Variants in VAT1L observed in about 807,000 individuals in gnomAD.
VAT1L encodes the protein putative NADPH-dependent quinone oxidoreductase VAT1L.
A neutral mutation model predicts 44.1 loss-of-function variants in VAT1L; 34 were observed. The ratio of observed to expected loss-of-function variants is 0.77; its 90% confidence interval spans 0.59 to 1.03. The LOEUF is 1.03. Among genes scored for constraint, VAT1L ranks in the 50% least tolerant of loss-of-function variants. VAT1L has a pLI of 0.00. For missense variants in VAT1L, 615 were observed against 538.8 expected (o/e 1.14, Z -1.40); for synonymous variants, 253 against 202.2 (o/e 1.25, Z -2.13).
At chr16:77,889,642 A>G (rs73579170) in intron 7 of VAT1L, among the ~76,000 whole-genome samples, 3 of 152,254 alleles carry the variant, frequency 2.0e-5, no homozygotes, top group Admixed American at 6.5e-5. Context: ...TACAGTAGTC[A>G]TAGACAACGT....
chr16:77,803,275 C>T (rs189261233), intron 1 of VAT1L, among the ~76,000 whole-genome samples: 17 of 152,258 alleles, frequency 1.1e-4, no homozygotes, highest in Admixed American at 2.6e-4. Flanking sequence ...TGTTCAATAC[C>T]ACATGTGGCC....
At chr16:77,932,581 C>G (rs1048062450) in intron 7 of VAT1L, among the ~76,000 whole-genome samples, 1 of 152,110 alleles carries the variant, frequency 6.6e-6, no homozygotes, top group Non-Finnish European at 1.5e-5. Flanking sequence ...ATCCTATATC[C>G]CATCAGATTA....
chr16:77,817,769 G>A (rs1296422223), intron 2 of VAT1L, among the ~76,000 whole-genome samples: 2 of 152,094 alleles, frequency 1.3e-5, no homozygotes, highest in Non-Finnish European at 2.9e-5. Flanking sequence ...ATAGAAACCA[G>A]TCTATAAAAA....
In VAT1L at chr16:77,832,069, C is replaced by A. The variant is rs571741210; in HGVS notation, c.579+6608C>A. ...TCTCGAACTCCTGACCTCGGGCAAT[C>A]CACCAACCTCGGCTTCTCAAAGTGC... On this transcript the variant is annotated intron_variant, in intron 3 of 8. Coordinates refer to ENST00000302536, the MANE Select transcript of VAT1L (RefSeq NM_020927.3). Among the ~76,000 whole-genome samples, 41 of 150,174 alleles carry A rather than the reference C, an allele frequency of 2.7e-4. 1 individual carries two copies. The highest frequency in any genetic ancestry group is 1.1e-3 in the South Asian group (5 of 4,740).
chr16:77,885,608 T>C (rs2017201502), intron 7 of VAT1L, among the ~76,000 whole-genome samples: 1 of 152,004 alleles, frequency 6.6e-6, no homozygotes, highest in Non-Finnish European at 1.5e-5. Context: ...ATGACGCCCC[T>C]GAAAAATATT....
intron 1 of VAT1L, among the ~76,000 whole-genome samples, chr16:77,809,481 G>C (rs765801320): frequency 6.6e-6 from 1 of 151,844 alleles, no homozygotes; most frequent in Non-Finnish European, 1.5e-5. Flanking sequence ...CATGGGAACA[G>C]CTGACATTGG....
chr16:77,953,600 G>C (rs1036219764), intron 7 of VAT1L, among the ~76,000 whole-genome samples: 7 of 151,984 alleles, frequency 4.6e-5, no homozygotes, highest in Admixed American at 3.9e-4. Flanking sequence ...GAGCACAGTG[G>C]TGCAATCACA....
At chr16:77,816,897 T>C in intron 1 of VAT1L, 24 bp from the exon 2 acceptor site, 1 of 1,569,932 alleles carries the variant, frequency 6.4e-7, no homozygotes, top group Non-Finnish European at 8.6e-7. Flanking sequence ...TGAATTTCTC[T>C]CCTTTCACAT....
intron 7 of VAT1L, among the ~76,000 whole-genome samples, chr16:77,933,062 A>G (rs924138758): frequency 2.0e-5 from 3 of 152,220 alleles, no homozygotes; most frequent in Non-Finnish European, 4.4e-5. Flanking sequence ...TTTAGGAAAA[A>G]GAGAACCAGA....
intron 2 of VAT1L, among the ~76,000 whole-genome samples, chr16:77,823,756 T>G (rs1723116936): frequency 6.6e-6 from 1 of 152,224 alleles, no homozygotes; most frequent in African/African-American, 2.4e-5. Context: ...CAGTGGCTCA[T>G]GCCTGTAATC....
intron 7 of VAT1L, among the ~76,000 whole-genome samples, chr16:77,944,248 A>G (rs1369959917): frequency 6.6e-6 from 1 of 152,196 alleles, no homozygotes; most frequent in African/African-American, 2.4e-5. Context: ...TGCTCTAAGG[A>G]TTAAGTGAGC....
chr16:77,872,697 A>T (rs901661758), intron 4 of VAT1L, among the ~76,000 whole-genome samples: 3 of 152,130 alleles, frequency 2.0e-5, no homozygotes, highest in Admixed American at 2.0e-4. Context: ...CCCTCAACAG[A>T]GGGTCATCTT....
At chr16:77,948,149 G>C (rs1411446352) in intron 7 of VAT1L, among the ~76,000 whole-genome samples, 2 of 152,160 alleles carry the variant, frequency 1.3e-5, no homozygotes, top group African/African-American at 4.8e-5. Context: ...TTCATTCATA[G>C]CTAGGATATA....
chr16:77,876,284 A>G, intron 4 of VAT1L, 86 bp from the exon 5 acceptor site: 1 of 1,215,054 alleles, frequency 8.2e-7, no homozygotes, highest in Non-Finnish European at 1.2e-6. Context: ...TCTGAGAGTC[A>G]GACAATATGA....
At chr16:77,935,125 C>T (rs1344913901) in intron 7 of VAT1L, among the ~76,000 whole-genome samples, 1 of 152,058 alleles carries the variant, frequency 6.6e-6, no homozygotes, top group Non-Finnish European at 1.5e-5. Context: ...TCTGGACTTT[C>T]TATTGAAACC....
At chr16:77,853,841 G>C (rs1011926324) in intron 3 of VAT1L, among the ~76,000 whole-genome samples, 1 of 151,940 alleles carries the variant, frequency 6.6e-6, no homozygotes, top group Non-Finnish European at 1.5e-5. Context: ...ACTTCTTTTG[G>C]GGATTAAAAA....
rs1270382341 is a variant in VAT1L at position 77,871,944 on chromosome 16, C to G, written c.723-4426C>G. Among the ~76,000 whole-genome samples the G allele has an allele frequency of 2.0e-5, 3 of 152,078 alleles. No homozygotes were observed. The East Asian group carries it at 5.8e-4, about 29-fold the overall frequency. On this transcript the variant is annotated intron_variant, in intron 4 of 8. Transcript: ENST00000302536. Reference sequence around the variant, plus strand: ...TCATGCCCTTTTCCCAACCAAAAGACTTGAAGGTGGGGCATTTTGAAAAAT... The same window carrying G: ...TCATGCCCTTTTCCCAACCAAAAGAGTTGAAGGTGGGGCATTTTGAAAAAT...
chr16:77,839,620 T>A (rs1380067441), intron 3 of VAT1L, among the ~76,000 whole-genome samples: 3 of 136,810 alleles, frequency 2.2e-5, no homozygotes, highest in African/African-American at 8.5e-5. Context: ...GACCAGAGTA[T>A]GACAAGTGAG....
At chr16:77,860,168 G>A (rs536961329) in intron 3 of VAT1L, among the ~76,000 whole-genome samples, 37 of 152,202 alleles carry the variant, frequency 2.4e-4, no homozygotes, top group African/African-American at 8.7e-4. Flanking sequence ...CCAACACCTT[G>A]ATTTTAGACT....
Sources: allele counts gnomAD v4.1 joint callset (sites outside exome capture counted in the v4.1 genomes callset), GRCh38; gene constraint gnomAD v4.1.1; transcripts MANE v1.5; gene names NCBI Gene and HGNC (gene_info 2026-07-23, HGNC 2026-07-21).